SLC35D4: variants seen among roughly 807,000 people sequenced by gnomAD.
SLC35D4 encodes solute carrier family 35 member D4, also known as UDP-N-acetylglucosamine transporter SLC35D4.
At chr18:23,359,200 G>C in the SLC35D4 span, among the ~76,000 whole-genome samples, 1 of 152,034 alleles carries the variant, frequency 6.6e-6, no homozygotes, top group Non-Finnish European at 1.5e-5. Flanking sequence ...GCCTGGCTAA[G>C]ATGGTGAAAC....
At chr18:23,366,902 T>G in the SLC35D4 span, among the ~76,000 whole-genome samples, 1 of 152,200 alleles carries the variant, frequency 6.6e-6, no homozygotes, top group Non-Finnish European at 1.5e-5. Context: ...CAGGGCTGCA[T>G]GTAGCTATAA....
the SLC35D4 span, among the ~76,000 whole-genome samples, chr18:23,329,319 C>G: frequency 6.6e-6 from 1 of 152,032 alleles, no homozygotes; most frequent in Non-Finnish European, 1.5e-5. Flanking sequence ...TGACAAAGGG[C>G]TAATATCCAG....
the SLC35D4 span, among the ~76,000 whole-genome samples, chr18:23,302,514 A>T: frequency 6.6e-6 from 1 of 152,218 alleles, no homozygotes; most frequent in Non-Finnish European, 1.5e-5. Flanking sequence ...CCAAATATTA[A>T]TAGTGCTTTG....
chr18:23,257,668 G>A, the SLC35D4 span: 1 of 282,560 alleles, frequency 3.5e-6, no homozygotes, highest in Non-Finnish European at 6.5e-6. Flanking sequence ...TTTCTCCCCG[G>A]CATTCACAAA....
the SLC35D4 span, among the ~76,000 whole-genome samples, chr18:23,359,782 G>A: frequency 7.2e-5 from 11 of 152,214 alleles, no homozygotes; most frequent in South Asian, 2.1e-4. Context: ...CTCTTGTTCC[G>A]TGAAATTCTC....
chr18:23,398,802 C>T, the SLC35D4 span, among the ~76,000 whole-genome samples: 5 of 152,100 alleles, frequency 3.3e-5, no homozygotes, highest in African/African-American at 1.2e-4. Flanking sequence ...CATTAAAAGA[C>T]TAAAATGTTT....
the SLC35D4 span, among the ~76,000 whole-genome samples, chr18:23,343,267 A>AT: frequency 6.7e-6 from 1 of 150,008 alleles, no homozygotes; most frequent in African/African-American, 2.5e-5. Flanking sequence ...TTTTATTTTT[A>AT]TTTTTTTTGA....
chr18:23,322,466 T>C, the SLC35D4 span, among the ~76,000 whole-genome samples: 4 of 152,224 alleles, frequency 2.6e-5, no homozygotes, highest in Non-Finnish European at 2.9e-5. Context: ...ATGTGGGCCT[T>C]TTGGACTTGC....
chr18:23,344,730 T>C, the SLC35D4 span, among the ~76,000 whole-genome samples: 1 of 151,790 alleles, frequency 6.6e-6, no homozygotes, highest in Non-Finnish European at 1.5e-5. Flanking sequence ...GGCTCCCGAA[T>C]AGCTGGGACT....
At chr18:23,278,994 C>T in the SLC35D4 span, among the ~76,000 whole-genome samples, 1 of 135,148 alleles carries the variant, frequency 7.4e-6, no homozygotes, top group African/African-American at 2.8e-5. Flanking sequence ...GCTTGGGTGA[C>T]AGAGCAAGAC....
chr18:23,426,082 C>T, the SLC35D4 span, among the ~76,000 whole-genome samples: 1 of 152,024 alleles, frequency 6.6e-6, no homozygotes, highest in Non-Finnish European at 1.5e-5. Context: ...TTGCACCATA[C>T]ACTAAATTAA....
At chr18:23,361,993 T>C in the SLC35D4 span, among the ~76,000 whole-genome samples, 1 of 152,226 alleles carries the variant, frequency 6.6e-6, no homozygotes, top group African/African-American at 2.4e-5. Context: ...AATATTTTCA[T>C]TACCTCAAAA....
chr18:23,373,572 C>T, the SLC35D4 span: 1 of 899,660 alleles, frequency 1.1e-6, no homozygotes, highest in East Asian at 2.7e-5. Flanking sequence ...CAGAGCTACC[C>T]AGCCTGCAAG....
chr18:23,417,254 A>C, the SLC35D4 span, among the ~76,000 whole-genome samples: 1 of 152,036 alleles, frequency 6.6e-6, no homozygotes, highest in African/African-American at 2.4e-5. Flanking sequence ...AAAAAAAAAA[A>C]AATTAATAAA....
At chr18:23,259,928 G>C in the SLC35D4 span, 1 of 152,354 alleles carries the variant, frequency 6.6e-6, no homozygotes, top group South Asian at 2.1e-4. Flanking sequence ...CTGTGGGGAA[G>C]CTCCGCCCAG....
At chr18:23,412,723 C>G in the SLC35D4 span, among the ~76,000 whole-genome samples, 1 of 152,296 alleles carries the variant, frequency 6.6e-6, no homozygotes, top group Non-Finnish European at 1.5e-5. Flanking sequence ...GCCCATAGAC[C>G]AAACCCCACC....
chr18:23,279,207 C>T, the SLC35D4 span, among the ~76,000 whole-genome samples: 1 of 152,136 alleles, frequency 6.6e-6, no homozygotes, highest in Non-Finnish European at 1.5e-5. Context: ...CTAGCTATCA[C>T]ATCTTCAAAT....
chr18:23,411,502 AAAGAAAG>A, the SLC35D4 span, among the ~76,000 whole-genome samples: 1 of 146,110 alleles, frequency 6.8e-6, no homozygotes, highest in East Asian at 2.1e-4. Flanking sequence ...AGAAAGAAAG[AAAGAAAG>A]AAAGAAAGAA....
chr18:23,291,817 C>G, the SLC35D4 span, among the ~76,000 whole-genome samples: 1 of 152,328 alleles, frequency 6.6e-6, no homozygotes, highest in South Asian at 2.1e-4. Flanking sequence ...AACTGTATAG[C>G]AGAATGAATA....
Sources: gnomAD v4.1 joint callset for allele counts (sites outside exome capture counted in the v4.1 genomes callset) on GRCh38, gnomAD v4.1.1 for gene constraint, MANE v1.5 for transcripts, NCBI Gene and HGNC (gene_info 2026-07-23, HGNC 2026-07-21) for gene names.